FNDC3A: variants seen among roughly 807,000 people sequenced by gnomAD.
The protein encoded by FNDC3A is fibronectin type III domain containing 3A.
Under a neutral mutation model 148.9 loss-of-function variants are expected in FNDC3A, and 32 were observed. The ratio of observed to expected loss-of-function variants is 0.21; its 90% CI spans 0.16 to 0.29. The LOEUF is 0.29. Among genes scored for constraint, FNDC3A ranks in the 10% least tolerant of loss-of-function variants. FNDC3A has a pLI of 1.00. For synonymous variants in FNDC3A, 472 were observed against 473.6 expected (o/e 1.00, Z 0.04); for missense variants, 1,191 against 1,452.8 (o/e 0.82, Z 2.93).
intron 8 of FNDC3A, among the ~76,000 whole-genome samples, chr13:49,161,641 T>C (rs1039579589): frequency 2.0e-5 from 3 of 152,212 alleles, no homozygotes; most frequent in African/African-American, 7.2e-5. Context: ...AATTTGATCC[T>C]GTCATTATGA....
chr13:49,159,384 T>A (rs189489781), intron 8 of FNDC3A, among the ~76,000 whole-genome samples: 52 of 152,360 alleles, frequency 3.4e-4, no homozygotes, highest in African/African-American at 1.0e-3. Flanking sequence ...TTGAAGCAAT[T>A]GTGAATGGGA....
intron 2 of FNDC3A, among the ~76,000 whole-genome samples, chr13:49,019,978 A>G (rs1357080835): frequency 6.6e-6 from 1 of 152,248 alleles, no homozygotes; most frequent in African/African-American, 2.4e-5. Flanking sequence ...AGAAATGAAG[A>G]AGCAAATCAG....
chr13:49,026,918 A>G (rs1425861673), intron 2 of FNDC3A, among the ~76,000 whole-genome samples: 1 of 152,204 alleles, frequency 6.6e-6, no homozygotes. Context: ...GTGGGGAGAC[A>G]GCAGAGGAAG....
At chr13:49,027,365 T>TA (rs1873792133) in intron 2 of FNDC3A, among the ~76,000 whole-genome samples, 1 of 152,188 alleles carries the variant, frequency 6.6e-6, no homozygotes, top group Non-Finnish European at 1.5e-5. Context: ...GCTGTCTCCT[T>TA]ACATTCAGTA....
chr13:48,980,781 A>G (rs1027946934), intron 1 of FNDC3A, among the ~76,000 whole-genome samples: 8 of 152,284 alleles, frequency 5.3e-5, no homozygotes, highest in Middle Eastern at 3.4e-3. Flanking sequence ...GGCTGGGGCA[A>G]CTGTATTTTT....
At chr13:49,012,544 A>G (rs1952371504) in intron 2 of FNDC3A, among the ~76,000 whole-genome samples, 1 of 152,086 alleles carries the variant, frequency 6.6e-6, no homozygotes, top group African/African-American at 2.4e-5. Context: ...GAATTAGCTT[A>G]TCAATACACA....
intron 2 of FNDC3A, among the ~76,000 whole-genome samples, chr13:49,008,263 A>G (rs528837920): frequency 3.4e-4 from 52 of 152,324 alleles, no homozygotes; most frequent in Admixed American, 7.2e-4. Context: ...ACCAATAGCT[A>G]TGATAGAATG....
At chr13:49,040,254 A>G (rs1442643684) in intron 2 of FNDC3A, among the ~76,000 whole-genome samples, 1 of 152,212 alleles carries the variant, frequency 6.6e-6, no homozygotes, top group Admixed American at 6.5e-5. Flanking sequence ...TACACTAAAA[A>G]TGCTCACTAA....
intron 1 of FNDC3A, among the ~76,000 whole-genome samples, chr13:48,978,439 A>G (rs1223407372): frequency 6.6e-6 from 1 of 152,138 alleles, no homozygotes; most frequent in African/African-American, 2.4e-5. Context: ...TAAGATGTTC[A>G]TGACATCCAA....
At chr13:49,078,863 G>C (rs77951851) in intron 3 of FNDC3A, among the ~76,000 whole-genome samples, 2,847 of 152,256 alleles carry the variant, frequency 0.019, 93 homozygotes, top group African/African-American at 0.064. Flanking sequence ...GCGAAGTGGA[G>C]AGAAACATAG....
chr13:49,022,578 A>G (rs1372345816), intron 2 of FNDC3A, among the ~76,000 whole-genome samples: 3 of 152,170 alleles, frequency 2.0e-5, no homozygotes, highest in African/African-American at 7.2e-5. Flanking sequence ...GAATGAGGCT[A>G]CTGAGACTGA....
intron 8 of FNDC3A, among the ~76,000 whole-genome samples, chr13:49,163,054 G>T (rs1884250642): frequency 6.6e-6 from 1 of 152,178 alleles, no homozygotes; most frequent in Admixed American, 6.5e-5. Context: ...GCCCCTACTG[G>T]GAGGTGTCTC....
At position 48,993,698 on chromosome 13, in the gene FNDC3A, C is replaced by T. The variant is rs1044425872; in HGVS notation, c.-39-12454C>T. The stretch of plus-strand genomic sequence containing the variant: ...GCTTTGAAGTGCATTTAAAAAAGAT[C>T]GCTAGAGGAATACATGCAATTAAAT... On this transcript the variant is annotated intron_variant, in intron 1 of 25. Coordinates refer to ENST00000492622, the MANE Select transcript of FNDC3A (RefSeq NM_001079673.2). 1.5e-4 allele frequency among the ~76,000 whole-genome samples: 23 copies of T among 151,942 alleles called. 1 individual carries two copies. The highest frequency in any genetic ancestry group is 6.6e-5 in the Admixed American group (1 of 15,244).
At chr13:49,143,135 TG>T (rs1455250981) in intron 7 of FNDC3A, among the ~76,000 whole-genome samples, 1 of 152,232 alleles carries the variant, frequency 6.6e-6, no homozygotes, top group Non-Finnish European at 1.5e-5. Flanking sequence ...CCCAAAGTGC[TG>T]GGATTACAGG....
intron 5 of FNDC3A, among the ~76,000 whole-genome samples, chr13:49,132,826 C>T (rs1383858093): frequency 2.0e-5 from 3 of 152,152 alleles, no homozygotes; most frequent in Non-Finnish European, 2.9e-5. Context: ...CTGATCTTAC[C>T]TTGTTAGTCT....
intron 2 of FNDC3A, among the ~76,000 whole-genome samples, chr13:49,058,450 C>T (rs1876419320): frequency 6.6e-6 from 1 of 152,020 alleles, no homozygotes; most frequent in East Asian, 1.9e-4. Flanking sequence ...TCTTTGGAGG[C>T]AGAAATTGGG....
chr13:49,066,299 A>C (rs1313024640), intron 2 of FNDC3A, among the ~76,000 whole-genome samples: 1 of 152,210 alleles, frequency 6.6e-6, no homozygotes, highest in Non-Finnish European at 1.5e-5. Flanking sequence ...GTGACTTCTG[A>C]ACTAACTCTC....
intron 4 of FNDC3A, among the ~76,000 whole-genome samples, chr13:49,125,349 G>A (rs915749038): frequency 1.3e-5 from 2 of 152,168 alleles, no homozygotes; most frequent in African/African-American, 4.8e-5. Context: ...AGAGAAAGGA[G>A]ATTGTGATCA....
intron 10 of FNDC3A, among the ~76,000 whole-genome samples, chr13:49,171,417 G>A (rs1485509768): frequency 6.6e-6 from 1 of 152,166 alleles, no homozygotes; most frequent in Non-Finnish European, 1.5e-5. Context: ...TCTGCAAAGA[G>A]GAAATGGGCT....
Sources: allele counts gnomAD v4.1 joint callset (sites outside exome capture counted in the v4.1 genomes callset), GRCh38; gene constraint gnomAD v4.1.1; transcripts MANE v1.5; gene names NCBI Gene and HGNC (gene_info 2026-07-23, HGNC 2026-07-21).